Variants in C1orf21 observed in about 807,000 individuals in gnomAD.
C1orf21 encodes uncharacterized protein C1orf21.
In C1orf21, 3 loss-of-function variants were observed where a neutral mutation model predicts 18.7. The ratio of observed to expected loss-of-function variants is 0.16; its 90% CI spans 0.07 to 0.42. C1orf21 has a LOEUF of 0.42. C1orf21 is among the 10% of genes least tolerant of loss of function. The pLI, the probability that C1orf21 is intolerant of heterozygous loss-of-function variation, is 0.99. For synonymous variants in C1orf21, 41 were observed against 46.4 expected (o/e 0.88, Z 0.47); for missense variants, 104 against 143.6 (o/e 0.72, Z 1.41).
At chr1:184,390,378 T>G (rs945552061) in intron 1 of C1orf21, among the ~76,000 whole-genome samples, 1 of 152,206 alleles carries the variant, frequency 6.6e-6, no homozygotes, top group African/African-American at 2.4e-5. Flanking sequence ...AGCAGCACAG[T>G]GCTGATTATC....
chr1:184,388,433 G>A (rs1041544794), intron 1 of C1orf21, among the ~76,000 whole-genome samples: 1 of 152,152 alleles, frequency 6.6e-6, no homozygotes, highest in Non-Finnish European at 1.5e-5. Context: ...GGTGGGTTAG[G>A]AAAATTGTTT....
At chr1:184,534,156 T>C (rs572338561) in intron 3 of C1orf21, among the ~76,000 whole-genome samples, 3 of 152,352 alleles carry the variant, frequency 2.0e-5, no homozygotes, top group South Asian at 4.1e-4. Context: ...GCATAGTTTA[T>C]AGAGTGCTTT....
intron 5 of C1orf21, among the ~76,000 whole-genome samples, 157 bp from the exon 6 acceptor site, chr1:184,619,361 A>G (rs1195520489): frequency 6.6e-6 from 1 of 152,220 alleles, no homozygotes; most frequent in Non-Finnish European, 1.5e-5. Flanking sequence ...GCTAACATGT[A>G]TTTATGACGT....
At chr1:184,448,013 T>G (rs999609403) in intron 1 of C1orf21, among the ~76,000 whole-genome samples, 1 of 152,174 alleles carries the variant, frequency 6.6e-6, no homozygotes, top group Non-Finnish European at 1.5e-5. Flanking sequence ...TACCTAGAGC[T>G]CACCATCCCT....
At chr1:184,550,133 A>G (rs1490445127) in intron 3 of C1orf21, among the ~76,000 whole-genome samples, 1 of 152,244 alleles carries the variant, frequency 6.6e-6, no homozygotes. Flanking sequence ...TGGGGTTGTT[A>G]TAGATATTTT....
At chr1:184,609,262 G>A (rs1474142951) in intron 5 of C1orf21, among the ~76,000 whole-genome samples, 4 of 152,138 alleles carry the variant, frequency 2.6e-5, no homozygotes, top group African/African-American at 4.8e-5. Context: ...GGGACTAATG[G>A]GGACCTACCA....
rs1657003739 is a variant in C1orf21 at position 184,444,810 on chromosome 1, A to C, written c.-124-32576A>C. Among the ~76,000 whole-genome samples the C allele has an allele frequency of 2.0e-5, 3 of 152,176 alleles. No homozygotes were observed. In the South Asian group the frequency reaches 6.2e-4, roughly 31 times the overall value. On this transcript the variant is annotated intron_variant, in intron 1 of 5. Coordinates refer to ENST00000235307, the MANE Select transcript of C1orf21 (RefSeq NM_030806.4). ...CCAAGTAGGAGTTTGTGCTAAGTAC[A>C]GAGGTACTTAAGTACTTAGGAGGTG...
chr1:184,610,828 C>T (rs1659724237), intron 5 of C1orf21, among the ~76,000 whole-genome samples: 1 of 140,232 alleles, frequency 7.1e-6, no homozygotes, highest in Non-Finnish European at 1.5e-5. Flanking sequence ...GCCTGAGCAA[C>T]AGAGCGAGAC....
In C1orf21 at chr1:184,581,202, G is replaced by A. The variant is rs180707737; in HGVS notation, c.190-9537G>A. 8.2e-4 allele frequency among the ~76,000 whole-genome samples: 125 copies of A among 152,266 alleles called. 1 individual carries two copies. Among genetic ancestry groups the A allele is most frequent in the African/African-American group, 2.9e-3 (120 of 41,548 alleles). On this transcript the variant is annotated intron_variant, in intron 3 of 5. Coordinates refer to ENST00000235307, the MANE Select transcript of C1orf21 (RefSeq NM_030806.4). ...AGCACTTTTTGAGGCCAAGGCAGGT[G>A]GATCACCTGAGGTTGGGAGTTCCAG...
Position 184,602,751 on chromosome 1 carries a change from T to A in C1orf21, c.327+4290T>A, listed in dbSNP as rs571409064. Among the ~76,000 whole-genome samples, 27 of 152,342 alleles carry A rather than the reference T, an allele frequency of 1.8e-4. 1 individual carries two copies. Among genetic ancestry groups the A allele is most frequent in the African/African-American group, 6.3e-4 (26 of 41,580 alleles). On this transcript the variant is annotated intron_variant, in intron 5 of 5. Coordinates refer to ENST00000235307, the MANE Select transcript of C1orf21 (RefSeq NM_030806.4). The stretch of plus-strand genomic sequence containing the variant: ...TTTCCACTATACATTCCAGTTTGTT[T>A]GTAAAAAGCAGAAAAAATAAATAAA...
intron 1 of C1orf21, among the ~76,000 whole-genome samples, chr1:184,402,761 T>G (rs971328812): frequency 1.3e-5 from 2 of 152,224 alleles, no homozygotes; most frequent in African/African-American, 4.8e-5. Flanking sequence ...AATACCCTAC[T>G]GTTTTAATCA....
At chr1:184,565,391 A>G (rs572130860) in intron 3 of C1orf21, among the ~76,000 whole-genome samples, 1 of 152,336 alleles carries the variant, frequency 6.6e-6, no homozygotes, top group Non-Finnish European at 1.5e-5. Context: ...AGGCTCTAAG[A>G]GTTTAAGTTA....
chr1:184,414,193 A>G (rs1484501215), intron 1 of C1orf21, among the ~76,000 whole-genome samples: 2 of 152,134 alleles, frequency 1.3e-5, no homozygotes, highest in Non-Finnish European at 2.9e-5. Flanking sequence ...GTGGTGGGGT[A>G]CAACCATGGC....
rs1415266174 is a variant in C1orf21, at chr1:184,540,260, G to A, written c.189+32578G>A. 3.6e-4 allele frequency among the ~76,000 whole-genome samples: 55 copies of A among 152,086 alleles called. 1 individual carries two copies. The highest frequency in any genetic ancestry group is 3.5e-3 in the Admixed American group (54 of 15,276). On this transcript the variant is annotated intron_variant, in intron 3 of 5. Coordinates refer to ENST00000235307, the MANE Select transcript of C1orf21 (RefSeq NM_030806.4). ...TTATTAGTTCAATTTAGTTGTTATT[G>A]TTCTTTCATGGTAGTTAGTAGTAAT...
chr1:184,498,383 A>G (rs928539520), intron 2 of C1orf21, among the ~76,000 whole-genome samples: 3 of 152,218 alleles, frequency 2.0e-5, no homozygotes, highest in Admixed American at 6.5e-5. Context: ...GTGTATGTCT[A>G]TGCGTTCTCT....
intron 3 of C1orf21, among the ~76,000 whole-genome samples, chr1:184,574,451 C>T (rs1659157895): frequency 6.6e-6 from 1 of 152,200 alleles, no homozygotes; most frequent in South Asian, 2.1e-4. Flanking sequence ...CTGAAGGTTT[C>T]AACCACATCC....
chr1:184,434,270 G>A (rs1656823404), intron 1 of C1orf21, among the ~76,000 whole-genome samples: 1 of 151,642 alleles, frequency 6.6e-6, no homozygotes, highest in African/African-American at 2.4e-5. Context: ...ACTCCCCGAG[G>A]GTCTCTGTGG....
chr1:184,614,514 C>G (rs1207126311), intron 5 of C1orf21, among the ~76,000 whole-genome samples: 1 of 151,844 alleles, frequency 6.6e-6, no homozygotes, highest in Non-Finnish European at 1.5e-5. Flanking sequence ...ACCAGCAGTC[C>G]CCAACCTTTC....
chr1:184,545,158 G>A (rs1658710935), intron 3 of C1orf21, among the ~76,000 whole-genome samples: 1 of 152,138 alleles, frequency 6.6e-6, no homozygotes, highest in Admixed American at 6.6e-5. Context: ...AGGCCATCTT[G>A]GAGTCTTCCT....
Sources: gnomAD v4.1 joint callset for allele counts (sites outside exome capture counted in the v4.1 genomes callset) on GRCh38, gnomAD v4.1.1 for gene constraint, MANE v1.5 for transcripts, NCBI Gene and HGNC (gene_info 2026-07-23, HGNC 2026-07-21) for gene names.